The following RHBDL2 variants were observed in gnomAD, a reference collection of about 807,000 sequenced individuals.
The protein encoded by RHBDL2 is rhomboid-related protein 2.
Under a neutral mutation model 31.7 loss-of-function variants are expected in RHBDL2, and 26 were observed. That is an observed-to-expected ratio of 0.82 (90% confidence interval 0.60 to 1.14). The LOEUF (loss-of-function observed/expected upper bound fraction) is 1.14. RHBDL2 is among the 50% of genes most tolerant of loss of function. The pLI, the probability that RHBDL2 is intolerant of heterozygous loss-of-function variation, is 0.00. For missense variants in RHBDL2, 336 were observed against 364.4 expected (o/e 0.92, Z 0.63); for synonymous variants, 123 against 127.2 (o/e 0.97, Z 0.22).
intron 3 of RHBDL2, among the ~76,000 whole-genome samples, chr1:38,912,886 AT>A (rs1643169288): frequency 1.6e-5 from 1 of 62,288 alleles, no homozygotes; most frequent in South Asian, 3.9e-4. Flanking sequence ...CATATACCAT[AT>A]ATATATATAT....
At chr1:38,888,322 A>C (rs6664585) in intron 6 of RHBDL2, among the ~76,000 whole-genome samples, 144,350 of 151,496 alleles carry the variant, frequency 0.95, 69,072 homozygotes, top group African/African-American at 0.99. Context: ...AACAGCCCTG[A>C]CTCATGGAGC....
chr1:38,893,065 A>C (rs939821870), intron 6 of RHBDL2, 99 bp downstream of exon 6: 3 of 709,302 alleles, frequency 4.2e-6, no homozygotes, highest in Non-Finnish European at 7.3e-6. Flanking sequence ...TGTATGCCCC[A>C]AATTGCAATC....
intron 4 of RHBDL2, among the ~76,000 whole-genome samples, chr1:38,904,847 C>T (rs969220317): frequency 7.8e-4 from 114 of 146,606 alleles, no homozygotes; most frequent in Non-Finnish European, 1.2e-3. Context: ...CTGGCTAACA[C>T]GGTGAAACCC....
chr1:38,926,164 A>G (rs1457665165), intron 1 of RHBDL2: 2 of 1,079,998 alleles, frequency 1.9e-6, no homozygotes, highest in South Asian at 2.5e-5. Context: ...AATCAGCTGC[A>G]TTTGCTTAGG....
At chr1:38,910,766 TTTTTTTTG>T (rs1643128505) in intron 4 of RHBDL2, among the ~76,000 whole-genome samples, 1 of 146,500 alleles carries the variant, frequency 6.8e-6, no homozygotes, top group Admixed American at 6.9e-5. Flanking sequence ...TTTTTTTTTT[TTTTTTTTG>T]TTTGTTTGTT....
rs572425278 is a variant in RHBDL2 at position 38,908,161 on chromosome 1, GAA to G, written c.508+3159_508+3160del. On this transcript the variant is annotated intron_variant, in intron 4 of 7. Transcript: ENST00000372990. ...CATCTCAGAATGTTCCTCCAAATTT[GAA>G]AAAAAAAAAAAAAAAAAGATATTCA... is the stretch of plus-strand genomic sequence containing the variant. Among the ~76,000 whole-genome samples the G allele has an allele frequency of 9.7e-3, 804 of 83,238 alleles. 5 individuals carry two copies. Among genetic ancestry groups the G allele is most frequent in the African/African-American group, 0.029 (727 of 25,092 alleles). The allele number at this position is 83,238 out of a possible 152,430, so 54.6% of individuals were successfully genotyped here. A position where few individuals can be genotyped will look rare whatever the true frequency, so the allele number is the denominator to read the frequency against.
At chr1:38,938,031 T>C (rs1643528178) in intron 1 of RHBDL2, among the ~76,000 whole-genome samples, 1 of 152,144 alleles carries the variant, frequency 6.6e-6, no homozygotes, top group Non-Finnish European at 1.5e-5. Context: ...AATTTTTTTT[T>C]TTTTGAGACA....
intron 4 of RHBDL2, among the ~76,000 whole-genome samples, chr1:38,906,902 A>C (rs1643073662): frequency 6.6e-6 from 1 of 152,188 alleles, no homozygotes; most frequent in African/African-American, 2.4e-5. Flanking sequence ...ATAGCTATAA[A>C]CAGAATTATT....
At chr1:38,910,716 G>A (rs367833337) in intron 4 of RHBDL2, among the ~76,000 whole-genome samples, 3 of 148,008 alleles carry the variant, frequency 2.0e-5, no homozygotes, top group Admixed American at 2.0e-4. Context: ...ATACGTACCT[G>A]TACACCAAAC....
intron 1 of RHBDL2, among the ~76,000 whole-genome samples, chr1:38,928,370 C>T (rs1031672077): frequency 6.6e-6 from 1 of 152,074 alleles, no homozygotes; most frequent in Admixed American, 6.6e-5. Context: ...TCTCAATCTC[C>T]TGACCTCTTG....
intron 1 of RHBDL2, among the ~76,000 whole-genome samples, chr1:38,937,484 A>C (rs1643523589): frequency 6.6e-6 from 1 of 152,158 alleles, no homozygotes; most frequent in African/African-American, 2.4e-5. Flanking sequence ...GAGAACTTAA[A>C]AGAATCCAGA....
At chr1:38,914,327 C>A (rs1225344620) in intron 3 of RHBDL2, among the ~76,000 whole-genome samples, 1 of 151,904 alleles carries the variant, frequency 6.6e-6, no homozygotes, top group Non-Finnish European at 1.5e-5. Flanking sequence ...CTGCAACCTC[C>A]GCCTCCTGGG....
chr1:38,899,546 T>C (rs1018976148), intron 4 of RHBDL2, among the ~76,000 whole-genome samples: 1 of 152,114 alleles, frequency 6.6e-6, no homozygotes, highest in African/African-American at 2.4e-5. Context: ...CTAACTGGGG[T>C]TGGAATTCAG....
At chr1:38,927,284 G>A (rs1015338794) in intron 1 of RHBDL2, among the ~76,000 whole-genome samples, 1 of 152,128 alleles carries the variant, frequency 6.6e-6, no homozygotes, top group South Asian at 2.1e-4. Flanking sequence ...AAAATTAGCC[G>A]GGCGTGGTGG....
intron 2 of RHBDL2, 130 bp downstream of exon 2, chr1:38,918,837 G>A (rs1570933771): frequency 2.7e-6 from 3 of 1,117,470 alleles, no homozygotes; most frequent in Admixed American, 2.3e-5. Flanking sequence ...GGTGAGGTGT[G>A]TGCTGTCCCC....
intron 1 of RHBDL2, among the ~76,000 whole-genome samples, chr1:38,923,230 C>T (rs946725608): frequency 1.3e-5 from 2 of 152,112 alleles, no homozygotes; most frequent in African/African-American, 4.8e-5. Flanking sequence ...AAGCATATAC[C>T]TTTCAACAGA....
intron 1 of RHBDL2, among the ~76,000 whole-genome samples, chr1:38,937,474 G>T (rs1557625850): frequency 6.6e-6 from 1 of 152,082 alleles, no homozygotes; most frequent in African/African-American, 2.4e-5. Flanking sequence ...AGTTGAAAAG[G>T]AGAACTTAAA....
intron 4 of RHBDL2, among the ~76,000 whole-genome samples, chr1:38,908,615 G>C (rs1643100644): frequency 6.6e-6 from 1 of 152,128 alleles, no homozygotes; most frequent in Admixed American, 6.6e-5. Flanking sequence ...CGTGCGATGG[G>C]GGTGTTGTTC....
Position 38,925,292 on chromosome 1 carries a change from G to A in RHBDL2, c.-125-5955C>T, listed in dbSNP as rs184325118. 1.2e-3 allele frequency among the ~76,000 whole-genome samples: 186 copies of A among 151,616 alleles called. 1 individual carries two copies. The highest frequency in any genetic ancestry group is 4.0e-3 in the African/African-American group (164 of 41,396). ...GCAGGCAGATCACTTGAGGTCAGGCGTTCGAGACCAGCCTGACCAACATGG... is the reference window on the plus strand; with the variant it reads ...GCAGGCAGATCACTTGAGGTCAGGCATTCGAGACCAGCCTGACCAACATGG... On this transcript the variant is annotated intron_variant, in intron 1 of 7. Coordinates refer to ENST00000372990, the MANE Select transcript of RHBDL2 (RefSeq NM_017821.5).
Sources: gnomAD v4.1 joint callset for allele counts (sites outside exome capture counted in the v4.1 genomes callset) on GRCh38, gnomAD v4.1.1 for gene constraint, MANE v1.5 for transcripts, NCBI Gene and HGNC (gene_info 2026-07-23, HGNC 2026-07-21) for gene names.